Variants in MMP26 observed in about 807,000 individuals in gnomAD.
The protein encoded by MMP26 is matrix metalloproteinase-26.
A neutral mutation model predicts 31.0 loss-of-function variants in MMP26; 33 were observed. That is an observed-to-expected ratio of 1.06 (90% CI 0.81 to 1.42). MMP26 has a LOEUF of 1.42. MMP26 is among the 40% of genes most tolerant of loss of function. The pLI is 0.00. For missense variants in MMP26, 347 were observed against 316.1 expected (o/e 1.10, Z -0.74); for synonymous variants, 122 against 114.9 (o/e 1.06, Z -0.40).
At chr11:4,732,752 C>T (rs1375546725) in intron 1 of MMP26, among the ~76,000 whole-genome samples, 1 of 152,216 alleles carries the variant, frequency 6.6e-6, no homozygotes, top group East Asian at 1.9e-4. Flanking sequence ...TCATTTGGTG[C>T]ACTGTTTTCA....
chr11:4,859,491 T>G, intron 2 of MMP26: 1 of 356,910 alleles, frequency 2.8e-6, no homozygotes, highest in South Asian at 2.1e-5. Flanking sequence ...CCCACAAGCC[T>G]TACCCACTCC....
chr11:4,893,936 C>T (rs1374018676), intron 2 of MMP26, among the ~76,000 whole-genome samples: 1 of 140,430 alleles, frequency 7.1e-6, no homozygotes, highest in Non-Finnish European at 1.6e-5. Context: ...CTTGTCTCTA[C>T]AAAAATAAAA....
At chr11:4,905,868 C>A (rs1212615510) in intron 2 of MMP26, among the ~76,000 whole-genome samples, 4 of 152,026 alleles carry the variant, frequency 2.6e-5, no homozygotes, top group Non-Finnish European at 5.9e-5. Context: ...TTAAAAGAGA[C>A]TCTAAAATAA....
At chr11:4,771,867 A>G (rs1282582110) in intron 2 of MMP26, among the ~76,000 whole-genome samples, 5 of 152,026 alleles carry the variant, frequency 3.3e-5, no homozygotes, top group Non-Finnish European at 7.3e-5. Context: ...AGGACAGGGC[A>G]AACCCTCATG....
At chr11:4,836,762 C>A (rs573957847) in intron 2 of MMP26, among the ~76,000 whole-genome samples, 2 of 145,258 alleles carry the variant, frequency 1.4e-5, no homozygotes, top group Non-Finnish European at 3.0e-5. Flanking sequence ...CAGGTTCAAG[C>A]GATTTTCCTG....
chr11:4,879,618 A>C (rs910735310), intron 2 of MMP26, among the ~76,000 whole-genome samples: 7 of 152,172 alleles, frequency 4.6e-5, no homozygotes, highest in African/African-American at 1.4e-4. Flanking sequence ...GCTGTGAAAT[A>C]ATAGGTAATA....
At chr11:4,943,005 A>G (rs1846237603) in intron 2 of MMP26, 1 of 152,304 alleles carries the variant, frequency 6.6e-6, no homozygotes. Flanking sequence ...TAAAAATTAC[A>G]GTATTGTTCT....
intron 2 of MMP26, among the ~76,000 whole-genome samples, chr11:4,893,822 CTCACACCTGTAAGCCA>C (rs1850662404): frequency 6.6e-6 from 1 of 151,962 alleles, no homozygotes; most frequent in Admixed American, 6.6e-5. Context: ...GGCACAATGG[CTCACACCTGTAAGCCA>C]TCACACCTGT....
intron 2 of MMP26, among the ~76,000 whole-genome samples, chr11:4,986,960 CCTCT>C (rs149249645): frequency 7.5e-5 from 4 of 53,388 alleles, no homozygotes; most frequent in African/African-American, 1.5e-4. Context: ...TCTCTCTCTC[CCTCT>C]CTCTCTCTCT....
chr11:4,865,584 TTCCTCCTCC>T (rs201125211), intron 2 of MMP26, among the ~76,000 whole-genome samples: 1 of 151,868 alleles, frequency 6.6e-6, no homozygotes, highest in Non-Finnish European at 1.5e-5. Flanking sequence ...ATTCTTCTTC[TTCCTCCTCC>T]TCCTCCTCCT....
At chr11:4,803,652 T>C in intron 2 of MMP26, 1 of 1,613,926 alleles carries the variant, frequency 6.2e-7, no homozygotes, top group Non-Finnish European at 8.5e-7. Flanking sequence ...GGGAGGAACG[T>C]GTGCTAAAAG....
At chr11:4,729,810 C>A (rs747626841) in intron 1 of MMP26, among the ~76,000 whole-genome samples, 5 of 151,826 alleles carry the variant, frequency 3.3e-5, no homozygotes, top group Non-Finnish European at 7.4e-5. Flanking sequence ...CATTGCAAAT[C>A]CAGGAAGCCC....
intron 2 of MMP26, among the ~76,000 whole-genome samples, chr11:4,922,562 G>T (rs1032736031): frequency 8.5e-5 from 13 of 152,156 alleles, no homozygotes; most frequent in African/African-American, 3.1e-4. Context: ...AAAAACAGCA[G>T]TATTTGTTTC....
chr11:4,838,447 C>T (rs1417065977), intron 2 of MMP26, among the ~76,000 whole-genome samples: 1 of 148,436 alleles, frequency 6.7e-6, no homozygotes, highest in Non-Finnish European at 1.5e-5. Flanking sequence ...AGCCAGCAAT[C>T]GTGACCTGGA....
chr11:4,924,381 A>C (rs2133584367), intron 2 of MMP26: 1 of 1,539,396 alleles, frequency 6.5e-7, no homozygotes, highest in African/African-American at 1.4e-5. Flanking sequence ...ATATAGAATG[A>C]GATTCCTGGA....
chr11:4,735,143 A>C (rs1245712369), intron 1 of MMP26, among the ~76,000 whole-genome samples: 1 of 152,218 alleles, frequency 6.6e-6, no homozygotes, highest in African/African-American at 2.4e-5. Flanking sequence ...ATCAGCTATC[A>C]GTATGCCTAG....
intron 2 of MMP26, among the ~76,000 whole-genome samples, chr11:4,855,651 G>A (rs1817335383): frequency 6.6e-6 from 1 of 152,188 alleles, no homozygotes. Context: ...ACACTCTTCA[G>A]GATATTATCC....
intron 2 of MMP26, among the ~76,000 whole-genome samples, chr11:4,885,137 A>C (rs1051413631): frequency 6.6e-6 from 1 of 152,090 alleles, no homozygotes; most frequent in Non-Finnish European, 1.5e-5. Flanking sequence ...CTCCACCCCT[A>C]TGGTAATTGT....
chr11:4,822,028 T>C (rs1289855354), intron 2 of MMP26: 3 of 1,613,974 alleles, frequency 1.9e-6, no homozygotes, highest in Non-Finnish European at 2.5e-6. Flanking sequence ...CCTTGGTCTG[T>C]TTGCGCTTTT....
Sources: allele counts gnomAD v4.1 joint callset (sites outside exome capture counted in the v4.1 genomes callset), GRCh38; gene constraint gnomAD v4.1.1; transcripts MANE v1.5; gene names NCBI Gene and HGNC (gene_info 2026-07-23, HGNC 2026-07-21).